DLGAP2: variants seen among roughly 807,000 people sequenced by gnomAD.
DLGAP2 encodes DLG associated protein 2, also known as disks large-associated protein 2.
DLGAP2 carries 26 observed loss-of-function variants against 100.3 expected under a neutral mutation model. That is an observed-to-expected ratio of 0.26 (90% confidence interval 0.19 to 0.36). The LOEUF (loss-of-function observed/expected upper bound fraction) is 0.36, where lower values mean the gene tolerates loss of function less well. Ranked by LOEUF, DLGAP2 falls within the 10% of genes least tolerant of loss-of-function variation. The pLI, the probability that DLGAP2 is intolerant of heterozygous loss-of-function variation, is 1.00. For synonymous variants in DLGAP2, 886 were observed against 630.1 expected (o/e 1.41, Z -6.08); for missense variants, 1,858 against 1,453.2 (o/e 1.28, Z -4.53).
intron 4 of DLGAP2, among the ~76,000 whole-genome samples, chr8:1,505,585 G>A (rs1220282631): frequency 6.6e-6 from 1 of 152,164 alleles, no homozygotes; most frequent in Non-Finnish European, 1.5e-5. Context: ...TTATGATGGG[G>A]AAAATGGCTG....
intron 12 of DLGAP2, among the ~76,000 whole-genome samples, chr8:1,686,924 T>C (rs1293558296): frequency 6.6e-6 from 1 of 152,228 alleles, no homozygotes; most frequent in East Asian, 1.9e-4. Flanking sequence ...CACGTCCCAG[T>C]CATCCTGATT....
At chr8:1,515,472 A>G (rs1800337609) in intron 4 of DLGAP2, among the ~76,000 whole-genome samples, 15 of 151,976 alleles carry the variant, frequency 9.9e-5, no homozygotes, top group Admixed American at 9.2e-4. Context: ...AATTGTAGAC[A>G]TGCAAAAATA....
intron 6 of DLGAP2, among the ~76,000 whole-genome samples, chr8:1,609,158 C>T (rs1563254233): frequency 7.4e-6 from 1 of 135,374 alleles, no homozygotes; most frequent in African/African-American, 2.6e-5. Context: ...GGGTTACCCT[C>T]AAAGGGAAGC....
rs189587039 is a variant in DLGAP2, at chr8:811,874, C to G, written c.18+74049C>G. On this transcript the variant is annotated intron_variant, in intron 1 of 14. Transcript: ENST00000637795. ...CCATGGGACCAAACTGACTCTGAGG[C>G]TCTGCACTTTGCCTTCCTGGGAGCC... Among the ~76,000 whole-genome samples, 46 of 152,396 alleles carry G rather than the reference C, an allele frequency of 3.0e-4. 1 individual carries two copies. Among genetic ancestry groups the G allele is most frequent in the Admixed American group, 2.2e-3 (34 of 15,314 alleles).
At chr8:1,411,562 A>G (rs1451850015) in intron 3 of DLGAP2, among the ~76,000 whole-genome samples, 1 of 152,156 alleles carries the variant, frequency 6.6e-6, no homozygotes, top group Non-Finnish European at 1.5e-5. Flanking sequence ...GGGCAGATTA[A>G]ACGAGGTAAC....
At chr8:1,147,209 A>G (rs1404561819) in intron 2 of DLGAP2, among the ~76,000 whole-genome samples, 1 of 152,172 alleles carries the variant, frequency 6.6e-6, no homozygotes, top group Non-Finnish European at 1.5e-5. Context: ...CCTTAGATTT[A>G]TCATAGGTAT....
At chr8:1,078,369 G>A (rs1432104084) in intron 2 of DLGAP2, among the ~76,000 whole-genome samples, 1 of 152,164 alleles carries the variant, frequency 6.6e-6, no homozygotes, top group Non-Finnish European at 1.5e-5. Context: ...CACATGAGGT[G>A]GCACATTGGT....
intron 2 of DLGAP2, among the ~76,000 whole-genome samples, chr8:1,110,504 G>GT (rs1804919888): frequency 6.6e-6 from 1 of 150,388 alleles, no homozygotes; most frequent in African/African-American, 2.5e-5. Flanking sequence ...ATGTGTGCAC[G>GT]TGCCTGTGAA....
At chr8:1,151,454 C>G (rs1465504276) in intron 2 of DLGAP2, among the ~76,000 whole-genome samples, 1 of 152,156 alleles carries the variant, frequency 6.6e-6, no homozygotes, top group Admixed American at 6.5e-5. Context: ...GCGGGGGCAG[C>G]TTTGGGACGG....
rs552436354 is a variant in DLGAP2, at chr8:1,544,733, G to A, written c.173-3893G>A. On this transcript the variant is annotated intron_variant, in intron 4 of 14. Coordinates refer to ENST00000637795, the MANE Select transcript of DLGAP2 (RefSeq NM_001346810.2). ...ATATTTGATTTGCTAGTATTTTTGA[G>A]GATTTTTTTTTTTTTTGAGACAGAG... 5.3e-3 allele frequency among the ~76,000 whole-genome samples: 695 copies of A among 129,998 alleles called. 8 individuals carry two copies. Among genetic ancestry groups the A allele is most frequent in the African/African-American group, 0.019 (645 of 33,288 alleles). 85.3% of individuals were successfully genotyped at this position (129,998 alleles called of 152,430 possible).
At chr8:1,243,406 G>A (rs114123371) in intron 2 of DLGAP2, among the ~76,000 whole-genome samples, 2,128 of 152,250 alleles carry the variant, frequency 0.014, 53 homozygotes, top group African/African-American at 0.049. Flanking sequence ...CATTCCTCCT[G>A]CGCAGCTGCC....
chr8:1,225,181 A>T (rs895460552), intron 2 of DLGAP2, among the ~76,000 whole-genome samples: 4 of 152,238 alleles, frequency 2.6e-5, no homozygotes, highest in African/African-American at 9.6e-5. Flanking sequence ...AACCACCTGG[A>T]TGTCCACAGG....
chr8:1,594,618 T>G (rs1796392557), intron 6 of DLGAP2, among the ~76,000 whole-genome samples: 1 of 152,020 alleles, frequency 6.6e-6, no homozygotes, highest in Admixed American at 6.6e-5. Context: ...CAGATGGGGT[T>G]TCACCATGTT....
At chr8:1,315,191 GA>G (rs1429396211) in intron 3 of DLGAP2, among the ~76,000 whole-genome samples, 1 of 152,236 alleles carries the variant, frequency 6.6e-6, no homozygotes, top group Admixed American at 6.5e-5. Flanking sequence ...CAACACTCAA[GA>G]AACTCGGCAG....
intron 2 of DLGAP2, among the ~76,000 whole-genome samples, chr8:1,230,469 C>T (rs1415544425): frequency 6.6e-6 from 1 of 152,138 alleles, no homozygotes; most frequent in Non-Finnish European, 1.5e-5. Context: ...CTATTCCTAT[C>T]AAACTACCAA....
At chr8:1,242,991 G>A (rs1395677006) in intron 2 of DLGAP2, among the ~76,000 whole-genome samples, 2 of 152,174 alleles carry the variant, frequency 1.3e-5, no homozygotes, top group African/African-American at 2.4e-5. Flanking sequence ...ATCACCCCAA[G>A]CATCGTCTTC....
At chr8:791,056 T>G (rs1382996175) in intron 1 of DLGAP2, among the ~76,000 whole-genome samples, 1 of 152,262 alleles carries the variant, frequency 6.6e-6, no homozygotes, top group Non-Finnish European at 1.5e-5. Context: ...CATGCATTTT[T>G]GAGTCATTCT....
At chr8:1,434,882 C>T (rs1211727131) in intron 3 of DLGAP2, among the ~76,000 whole-genome samples, 1 of 152,218 alleles carries the variant, frequency 6.6e-6, no homozygotes, top group South Asian at 2.1e-4. Context: ...TCCATGGTAT[C>T]ATCATCCTTC....
intron 2 of DLGAP2, among the ~76,000 whole-genome samples, chr8:1,150,799 A>C (rs1025152781): frequency 4.6e-5 from 7 of 152,246 alleles, no homozygotes; most frequent in Non-Finnish European, 1.0e-4. Context: ...ACTGAAAAAA[A>C]GTGTTATGTG....
Sources: allele counts gnomAD v4.1 joint callset (sites outside exome capture counted in the v4.1 genomes callset), GRCh38; gene constraint gnomAD v4.1.1; transcripts MANE v1.5; gene names NCBI Gene and HGNC (gene_info 2026-07-23, HGNC 2026-07-21).